CUBN: variants seen among roughly 807,000 people sequenced by gnomAD.
The protein encoded by CUBN is 460 kDa receptor.
Under a neutral mutation model 405.3 loss-of-function variants are expected in CUBN, and 282 were observed. That is an observed-to-expected ratio of 0.70 (90% CI 0.63 to 0.77). The LOEUF is 0.77. Ranked by LOEUF, CUBN falls within the 30% of genes least tolerant of loss-of-function variation. The pLI is 0.00. For synonymous variants in CUBN, 1,684 were observed against 1,617.0 expected, an observed-to-expected ratio of 1.04 and a Z score of -0.99; for missense variants, 4,514 against 4,475.2, an observed-to-expected ratio of 1.01 and a Z score of -0.25.
chr10:16,895,638 A>G (rs760724518), intron 54 of CUBN, among the ~76,000 whole-genome samples: 1 of 152,194 alleles, frequency 6.6e-6, no homozygotes, highest in Non-Finnish European at 1.5e-5. Context: ...TTTTATCATT[A>G]TGTAAGATTC....
chr10:16,991,786 G>C (rs1034856167), intron 28 of CUBN, among the ~76,000 whole-genome samples: 14 of 152,162 alleles, frequency 9.2e-5, no homozygotes, highest in Non-Finnish European at 1.9e-4. Flanking sequence ...CTTTTACACT[G>C]TTGGTGGGAC....
intron 54 of CUBN, among the ~76,000 whole-genome samples, chr10:16,897,281 T>C (rs1185491731): frequency 6.6e-6 from 1 of 150,666 alleles, no homozygotes; most frequent in Non-Finnish European, 1.5e-5. Context: ...TCAAATCTTT[T>C]ATTTTAGCAG....
intron 31 of CUBN, among the ~76,000 whole-genome samples, chr10:16,969,015 T>C (rs1687700): frequency 0.37 from 55,935 of 152,130 alleles, 10,545 homozygotes; most frequent in Middle Eastern, 0.45. Context: ...ACAATTTCAA[T>C]AGAAGTCAAA....
At chr10:16,894,625 G>C (rs568236920) in intron 54 of CUBN, among the ~76,000 whole-genome samples, 1 of 152,138 alleles carries the variant, frequency 6.6e-6, no homozygotes, top group Non-Finnish European at 1.5e-5. Context: ...TAAATAGTAA[G>C]GTAGAATTCT....
Position 16,939,148 on chromosome 10 carries a change from C to T in CUBN, c.5549-1G>A. 1 of 1,612,782 alleles carries T rather than the reference C, an allele frequency of 6.2e-7. No homozygotes were observed. ...CCCACAATATTATCATTGCCAAATA[C>T]TAGGAGGGAAGACAGAGTAGTAAAT... On this transcript the variant is annotated splice_acceptor_variant, in intron 37 of 66. Coordinates refer to ENST00000377833, the MANE Select transcript of CUBN (RefSeq NM_001081.4). LOFTEE classifies it high-confidence loss of function.
In CUBN at chr10:16,841,057, A is replaced by G. The variant is rs765104843; in HGVS notation, c.9664-10T>C. The stretch of plus-strand genomic sequence containing the variant: ...TATCCCCATCATATAACTGAGAAGA[A>G]AAACAATTCATTACTTCTCCATTAC... On this transcript the variant is annotated splice_polypyrimidine_tract_variant and intron_variant, in intron 60 of 66. Transcript: ENST00000377833. The G allele has an allele frequency of 2.5e-6, 4 of 1,613,634 alleles. No homozygotes were observed. The Admixed American group carries it at 5.0e-5, about 20-fold the overall frequency.
At chr10:16,887,943 A>G (rs1232457955) in intron 56 of CUBN, among the ~76,000 whole-genome samples, 1 of 152,230 alleles carries the variant, frequency 6.6e-6, no homozygotes, top group African/African-American at 2.4e-5. Context: ...ATGAACCTGG[A>G]GGACATTATG....
At chr10:17,084,543 T>C in intron 16 of CUBN, 82 bp from the exon 17 acceptor site, 6 of 1,056,656 alleles carry the variant, frequency 5.7e-6, no homozygotes, top group Non-Finnish European at 5.7e-6. Context: ...TCTAAAAATT[T>C]ACCCACACAC....
intron 22 of CUBN, among the ~76,000 whole-genome samples, chr10:17,055,586 G>A (rs1393544016): frequency 6.6e-6 from 1 of 152,042 alleles, no homozygotes; most frequent in Non-Finnish European, 1.5e-5. Context: ...TACAAGATAT[G>A]TATACAAAAA....
chr10:17,097,571 C>T (rs1836401937), intron 14 of CUBN, among the ~76,000 whole-genome samples: 1 of 151,918 alleles, frequency 6.6e-6, no homozygotes, highest in Non-Finnish European at 1.5e-5. Context: ...TGTAACTTGA[C>T]AAAATTACAA....
At chr10:16,907,470 T>G in intron 49 of CUBN, 38 bp downstream of exon 49, 1 of 1,606,868 alleles carries the variant, frequency 6.2e-7, no homozygotes. Context: ...GCAGTGCCCC[T>G]GATTAAAATG....
At chr10:17,005,187 T>A (rs1833983673) in intron 28 of CUBN, among the ~76,000 whole-genome samples, 1 of 152,212 alleles carries the variant, frequency 6.6e-6, no homozygotes, top group South Asian at 2.1e-4. Flanking sequence ...ATGTTTCCTA[T>A]CAGTTGGTTT....
chr10:17,008,499 C>A (rs979979443), intron 28 of CUBN, among the ~76,000 whole-genome samples: 8 of 151,042 alleles, frequency 5.3e-5, no homozygotes, highest in African/African-American at 1.2e-4. Flanking sequence ...AGCTCTGCAG[C>A]CACCTTGGCA....
chr10:16,933,305 T>C, intron 39 of CUBN, 21 bp from the exon 40 acceptor site: 1 of 1,609,444 alleles, frequency 6.2e-7, no homozygotes, highest in Admixed American at 1.7e-5. Context: ...GAAAGCAACA[T>C]CTTTGACACA....
In CUBN at chr10:16,974,063, G is replaced by C. The variant is rs567156114; in HGVS notation, c.4695+8421C>G. ...ACCTCCCCCAAAACACTCACCATCA[G>C]CAGCATCATAATGGCTAGCACAAGT... is the stretch of plus-strand genomic sequence containing the variant. On this transcript the variant is annotated intron_variant, in intron 31 of 66. Transcript: ENST00000377833. Among the ~76,000 whole-genome samples, 29 of 152,276 alleles carry C rather than the reference G, an allele frequency of 1.9e-4. No individual in the cohort carries two copies. In the South Asian group the frequency reaches 6.0e-3, roughly 32 times the overall value.
chr10:16,843,275 A>C, intron 60 of CUBN, among the ~76,000 whole-genome samples: 1 of 152,196 alleles, frequency 6.6e-6, no homozygotes, highest in East Asian at 1.9e-4. Flanking sequence ...AGTAATCTCC[A>C]TTGTACTTCT....
At chr10:17,097,166 A>G (rs529212701) in intron 14 of CUBN, among the ~76,000 whole-genome samples, 1 of 152,106 alleles carries the variant, frequency 6.6e-6, no homozygotes, top group Non-Finnish European at 1.5e-5. Flanking sequence ...TGGAATTTTG[A>G]AAACATTAGT....
Position 16,948,568 on chromosome 10 carries a change from A to C in CUBN, c.5119T>G (p.Ser1707Ala), listed in dbSNP as rs1212443131. The C allele has an allele frequency of 6.2e-7, 1 of 1,613,870 alleles. No individual in the cohort carries two copies. The highest frequency in any genetic ancestry group is 8.5e-7 in the Non-Finnish European group (1 of 1,179,948). The stretch of plus-strand genomic sequence containing the variant: ...CTCAGCGTCAGGGCGCTGCTGAAGG[A>C]TGTGATAGGATGGGGCATGTCGGTG... ...CGTDMPHPIT[S>A]FSSALTLRFV... The change falls in exon 35 of 67, where the codon TCC becomes GCC. Residue 1707 changes from serine (S) to alanine (A), a missense_variant. This residue lies in a region of CUBN where 1,613 missense variants were observed against 1,542.8 expected (regional missense o/e 1.05). Coordinates refer to ENST00000377833, the MANE Select transcript of CUBN (RefSeq NM_001081.4).
chr10:17,091,082 T>C (rs1836247225), intron 14 of CUBN, among the ~76,000 whole-genome samples: 1 of 152,078 alleles, frequency 6.6e-6, no homozygotes. Flanking sequence ...AGTCCTGAGG[T>C]AAATAATGTG....
Sources: gnomAD v4.1 joint callset for allele counts (sites outside exome capture counted in the v4.1 genomes callset) on GRCh38, gnomAD v4.1.1 for gene constraint, gnomAD v4.1.1 regional missense constraint, MANE v1.5 for transcripts, NCBI Gene and HGNC (gene_info 2026-07-23, HGNC 2026-07-21) for gene names.